The following SP100 variants were observed in gnomAD, a reference collection of about 807,000 sequenced individuals.
SP100 encodes the protein SP100 nuclear body protein.
In SP100, 84 loss-of-function variants were observed where a neutral mutation model predicts 130.0. The ratio of observed to expected loss-of-function variants is 0.65; its 90% CI spans 0.54 to 0.77. The LOEUF is 0.77. SP100 is among the 30% of genes least tolerant of loss of function. SP100 has a pLI of 0.00. For synonymous variants in SP100, 331 were observed against 351.7 expected (o/e 0.94, Z 0.66); for missense variants, 978 against 1,052.2 (o/e 0.93, Z 0.97).
chr2:230,445,215 A>G (rs149706977), intron 4 of SP100, among the ~76,000 whole-genome samples: 5 of 152,198 alleles, frequency 3.3e-5, no homozygotes, highest in South Asian at 2.1e-4. Flanking sequence ...ACGTCCTCCA[A>G]TTTTTTTTAC....
chr2:230,508,310 A>AATTTT, intron 23 of SP100: 4 of 129,140 alleles, frequency 3.1e-5, no homozygotes, highest in Admixed American at 1.2e-4. Flanking sequence ...TAAATGCCAT[A>AATTTT]CTTTTTTTTT....
rs181569885 is a variant in SP100 at position 230,470,655 on chromosome 2, A to G, written c.1429+557A>G. The G allele has an allele frequency of 1.5e-3, 236 of 159,566 alleles. 1 individual carries two copies. Among genetic ancestry groups the G allele is most frequent in the Admixed American group, 3.6e-3 (55 of 15,218 alleles). The allele number at this position is 159,566 out of a possible 1,614,324, so 9.9% of individuals were successfully genotyped here. ...AAAATTTTTAAGACATAGGCAGGCT[A>G]ACTATACCCATTTTGGGGTGAGGAA... On this transcript the variant is annotated intron_variant, in intron 15 of 28. Coordinates refer to ENST00000340126, the MANE Select transcript of SP100 (RefSeq NM_001080391.2).
At chr2:230,465,518 C>T (rs1328239368) in intron 11 of SP100, among the ~76,000 whole-genome samples, 1 of 152,170 alleles carries the variant, frequency 6.6e-6, no homozygotes, top group Non-Finnish European at 1.5e-5. Context: ...TATGTTCTCA[C>T]TTGTAAGTGG....
At chr2:230,500,208 A>C (rs1341095333) in intron 19 of SP100, among the ~76,000 whole-genome samples, 1 of 152,200 alleles carries the variant, frequency 6.6e-6, no homozygotes, top group Non-Finnish European at 1.5e-5. Context: ...GTTAATGTAG[A>C]ATTAAAACTA....
intron 2 of SP100, among the ~76,000 whole-genome samples, chr2:230,421,125 C>CCT (rs1292420580): frequency 1.3e-5 from 2 of 152,008 alleles, no homozygotes; most frequent in Admixed American, 6.6e-5. Context: ...TGTGCAACAT[C>CCT]CTCCCGCCCC....
chr2:230,438,639 G>GTATATATA (rs142300655), intron 2 of SP100, among the ~76,000 whole-genome samples: 1,849 of 135,050 alleles, frequency 0.014, 57 homozygotes, highest in African/African-American at 0.05. Flanking sequence ...ACTCCATGGT[G>GTATATATA]TATATATATA....
chr2:230,508,870 C>G (rs1255500873), intron 23 of SP100: 1 of 152,046 alleles, frequency 6.6e-6, no homozygotes, highest in South Asian at 2.1e-4. Flanking sequence ...CCCAGGGAAG[C>G]AAACAACAAA....
In SP100 at chr2:230,499,470, C is replaced by T. The variant is rs1403936422; in HGVS notation, c.1720+935C>T. 2.3e-4 allele frequency among the ~76,000 whole-genome samples: 2 copies of T among 8,690 alleles called. 1 individual carries two copies. Among genetic ancestry groups the T allele is most frequent in the East Asian group, 2.1e-3 (2 of 946 alleles). 5.7% of individuals were successfully genotyped at this position (8,690 alleles called of 152,430 possible). The stretch of plus-strand genomic sequence containing the variant: ...CTGGCCACATAACTTCATATAGACT[C>T]TCTCTCTCTCTCTCTCTCTCCCCCT... On this transcript the variant is annotated intron_variant, in intron 19 of 28. Transcript: ENST00000340126.
intron 24 of SP100, among the ~76,000 whole-genome samples, chr2:230,525,241 AT>A (rs1213045972): frequency 2.0e-5 from 3 of 152,142 alleles, no homozygotes; most frequent in Admixed American, 6.6e-5. Context: ...GCCATAGGTA[AT>A]TTTTTTCCCT....
At chr2:230,514,973 T>C (rs1329963384) in intron 24 of SP100, 1 of 1,509,646 alleles carries the variant, frequency 6.6e-7, no homozygotes, top group African/African-American at 1.4e-5. Context: ...AAGTGAGAGC[T>C]GGACAGGCCC....
chr2:230,444,423 G>A (rs2063598760), intron 4 of SP100, 77 bp downstream of exon 4: 2 of 1,199,532 alleles, frequency 1.7e-6, no homozygotes, highest in South Asian at 1.3e-5. Context: ...CTCCTACCAT[G>A]AGTGACATGT....
chr2:230,471,179 T>A (rs1649884), intron 15 of SP100, among the ~76,000 whole-genome samples: 113,625 of 152,022 alleles, frequency 0.75, 42,836 homozygotes, highest in South Asian at 0.83. Context: ...GGAGACAAGA[T>A]AAATCAAAGG....
At chr2:230,425,447 T>TAA (rs1329364704) in intron 2 of SP100, among the ~76,000 whole-genome samples, 58 of 143,596 alleles carry the variant, frequency 4.0e-4, no homozygotes, top group African/African-American at 6.1e-4. Flanking sequence ...CCCAATTTGT[T>TAA]AAATGTTTTT....
chr2:230,500,719 C>CA (rs1048335719), intron 19 of SP100, among the ~76,000 whole-genome samples: 1 of 152,054 alleles, frequency 6.6e-6, no homozygotes, highest in African/African-American at 2.4e-5. Flanking sequence ...GGTGCACCTG[C>CA]AACTTGAGCA....
chr2:230,528,386 A>G (rs1284477254), intron 24 of SP100, among the ~76,000 whole-genome samples: 1 of 152,258 alleles, frequency 6.6e-6, no homozygotes, highest in Non-Finnish European at 1.5e-5. Flanking sequence ...CAATGAGAAC[A>G]AATACACAGT....
chr2:230,473,378 C>T lies in SP100; in HGVS notation c.1484C>T (p.Pro495Leu), dbSNP rs2065371457. The change falls in exon 16 of 29, where the codon CCA becomes CTA. Residue 495 changes from proline to leucine, a missense_variant. Physicochemically the swap from Pro to Leu is moderately conservative, Grantham distance 98. Transcript: ENST00000340126. The part of the protein sequence containing the change: ...NKKCSCVMCF[P>L]KGVPRSQEAR... ...AAGTGCTCCTGTGTCATGTGTTTTCCAAAAGGTGTGCCAAGAAGCCAAGAA... is the reference window on the plus strand; with the variant it reads ...AAGTGCTCCTGTGTCATGTGTTTTCTAAAAGGTGTGCCAAGAAGCCAAGAA... The T allele has an allele frequency of 6.2e-7, 1 of 1,613,788 alleles. No homozygotes were observed. The highest frequency in any genetic ancestry group is 2.2e-5 in the East Asian group (1 of 44,884).
chr2:230,434,302 G>A (rs912448573), intron 2 of SP100, among the ~76,000 whole-genome samples: 16 of 152,146 alleles, frequency 1.1e-4, no homozygotes, highest in Admixed American at 9.2e-4. Flanking sequence ...CCAGTCAGCT[G>A]AATACACAAT....
chr2:230,491,088 T>G (rs1170506439), intron 17 of SP100, among the ~76,000 whole-genome samples: 1 of 152,242 alleles, frequency 6.6e-6, no homozygotes, highest in African/African-American at 2.4e-5. Context: ...GTTTCCATTC[T>G]TCTCATCTCT....
intron 24 of SP100, among the ~76,000 whole-genome samples, chr2:230,524,852 G>A (rs938555740): frequency 8.5e-5 from 13 of 152,106 alleles, no homozygotes; most frequent in Non-Finnish European, 1.9e-4. Context: ...ACATTACTAA[G>A]GACAAGAATT....
Sources: gnomAD v4.1 joint callset for allele counts (sites outside exome capture counted in the v4.1 genomes callset) on GRCh38, gnomAD v4.1.1 for gene constraint, MANE v1.5 for transcripts, NCBI Gene and HGNC (gene_info 2026-07-23, HGNC 2026-07-21) for gene names.